LINGO1: variants seen among roughly 807,000 people sequenced by gnomAD.
LINGO1 encodes leucine-rich repeat and immunoglobulin-like domain-containing nogo receptor-interacting protein 1.
Under a neutral mutation model 37.3 loss-of-function variants are expected in LINGO1, and 11 were observed. The observed-to-expected ratio is 0.29, with a 90% CI of 0.19 to 0.49. The LOEUF (loss-of-function observed/expected upper bound fraction) is 0.49, where lower values mean the gene tolerates loss of function less well. Ranked by LOEUF, LINGO1 falls within the 20% of genes least tolerant of loss-of-function variation. LINGO1 has a pLI of 0.99. For missense variants in LINGO1, 585 were observed against 878.2 expected (o/e 0.67, Z 4.22); for synonymous variants, 387 against 403.0 (o/e 0.96, Z 0.48).
intron 1 of LINGO1, among the ~76,000 whole-genome samples, chr15:77,629,758 C>A (rs534510511): frequency 1.3e-5 from 2 of 152,286 alleles, no homozygotes; most frequent in South Asian, 4.1e-4. Context: ...GTGTTCAAGG[C>A]AGATCATGCT....
intron 3 of LINGO1, among the ~76,000 whole-genome samples, chr15:77,645,365 G>A (rs1008627946): frequency 8.5e-5 from 13 of 152,208 alleles, no homozygotes; most frequent in Admixed American, 3.3e-4. Flanking sequence ...ATGGCCCTGA[G>A]GCCCACTCTT....
chr15:77,749,553 T>C (rs979739444), intron 1 of LINGO1, among the ~76,000 whole-genome samples: 5 of 152,238 alleles, frequency 3.3e-5, no homozygotes, highest in African/African-American at 7.2e-5. Flanking sequence ...CTCTAACTCC[T>C]GACCTCCTTC....
chr15:77,754,069 G>A (rs1249437059), intron 1 of LINGO1, among the ~76,000 whole-genome samples: 1 of 151,992 alleles, frequency 6.6e-6, no homozygotes, highest in Non-Finnish European at 1.5e-5. Flanking sequence ...AGAGCTGGGA[G>A]AGAGAGTGGG....
At chr15:77,680,386 C>T (rs1046859696) in intron 2 of LINGO1, among the ~76,000 whole-genome samples, 5 of 152,204 alleles carry the variant, frequency 3.3e-5, no homozygotes, top group Non-Finnish European at 7.3e-5. Flanking sequence ...CCCCACTGCC[C>T]CTTTGGGGGC....
Position 77,613,863 on chromosome 15 carries a change from G to A in LINGO1, c.*181C>T. 3.2e-6 allele frequency: 2 copies of A among 621,714 alleles called. No individual in the cohort carries two copies. Among genetic ancestry groups the A allele is most frequent in the Non-Finnish European group, 2.8e-6 (1 of 358,276 alleles). The allele number at this position is 621,714 out of a possible 1,614,324, so 38.5% of individuals were successfully genotyped here. A position where few individuals can be genotyped will look rare whatever the true frequency, so the allele number is the denominator to read the frequency against. ...CCCAGGTCTGGGCTTCTGAGGTCCTGGTAGAAGGAGGGCAGGTGGTGAGGG... is the reference window on the plus strand; with the variant it reads ...CCCAGGTCTGGGCTTCTGAGGTCCTAGTAGAAGGAGGGCAGGTGGTGAGGG... On this transcript the variant is annotated 3_prime_UTR_variant, in exon 2 of 2. Coordinates refer to ENST00000355300, the MANE Select transcript of LINGO1 (RefSeq NM_032808.7).
upstream of LINGO1, chr15:77,788,039 C>T (rs2076788917): frequency 6.6e-6 from 1 of 152,208 alleles, no homozygotes; most frequent in African/African-American, 2.4e-5. Context: ...CCCCTGGAGC[C>T]CCACCAACTG....
chr15:77,635,110 G>T (rs2074370782), upstream of LINGO1, among the ~76,000 whole-genome samples: 1 of 152,172 alleles, frequency 6.6e-6, no homozygotes, highest in Non-Finnish European at 1.5e-5. Context: ...GTATTTTGGT[G>T]CCCACAATGA....
At position 77,810,487 on chromosome 15, in the gene LINGO1, AC is replaced by A. The variant is rs528949931; in HGVS notation, c.-458+9770del. ...AGCTGATCCAGCCTCCCGGCTCTGT[AC>A]CCAGGGGAGCACTAGTGGGTCCTGA... On this transcript the variant is annotated intron_variant, in intron 1 of 5. Coordinates refer to the LINGO1 transcript ENST00000562933. 9.8e-5 allele frequency among the ~76,000 whole-genome samples: 15 copies of A among 152,288 alleles called. No homozygotes were observed. The East Asian group carries it at 2.9e-3, about 29-fold the overall frequency.
intron 1 of LINGO1, among the ~76,000 whole-genome samples, chr15:77,812,757 G>A (rs2141481520): frequency 6.6e-6 from 1 of 152,374 alleles, no homozygotes; most frequent in East Asian, 1.9e-4. Flanking sequence ...TAATTGCTGA[G>A]TGCCGTGCAA....
intron 2 of LINGO1, among the ~76,000 whole-genome samples, chr15:77,716,214 T>A (rs1253513105): frequency 1.3e-5 from 2 of 150,622 alleles, no homozygotes; most frequent in African/African-American, 4.8e-5. Context: ...AGTGTCTCCA[T>A]TCCTCTCAGC....
intron 1 of LINGO1, among the ~76,000 whole-genome samples, chr15:77,742,963 G>A (rs59096041): frequency 9.9e-5 from 15 of 152,210 alleles, no homozygotes; most frequent in African/African-American, 2.9e-4. Flanking sequence ...CTTGGGGTGC[G>A]GTGAGAGGAT....
At chr15:77,814,803 A>G (rs1177612416) in intron 1 of LINGO1, among the ~76,000 whole-genome samples, 1 of 152,256 alleles carries the variant, frequency 6.6e-6, no homozygotes, top group East Asian at 1.9e-4. Flanking sequence ...CCAAAGTCTC[A>G]GAGTTTCAGA....
At position 77,632,271 on chromosome 15, in the gene LINGO1, G is replaced by T; in HGVS notation, c.6+39C>A. ...GGCCCCCAGGGGCACTCGCCGCGGG[G>T]CTGCCCGCTCGGGGCTCGGCCGCGG... On this transcript the variant is annotated intron_variant, in intron 1 of 1. Coordinates refer to ENST00000355300, the MANE Select transcript of LINGO1 (RefSeq NM_032808.7). The surrounding 1 kb of genome is among the most constrained non-coding windows in gnomAD (Gnocchi z 6.0). 1 of 1,392,466 alleles carries T rather than the reference G, an allele frequency of 7.2e-7. No individual in the cohort carries two copies. The highest frequency in any genetic ancestry group is 1.6e-5 in the South Asian group (1 of 63,220). 86.3% of individuals were successfully genotyped at this position (1,392,466 alleles called of 1,614,324 possible).
intron 2 of LINGO1, among the ~76,000 whole-genome samples, chr15:77,687,147 G>A (rs1048019932): frequency 4.6e-5 from 7 of 152,124 alleles, no homozygotes; most frequent in African/African-American, 1.7e-4. Flanking sequence ...TCAGTGTGAG[G>A]CTCGAATCAA....
At chr15:77,665,086 C>G (rs907572964) in intron 3 of LINGO1, among the ~76,000 whole-genome samples, 4 of 152,160 alleles carry the variant, frequency 2.6e-5, no homozygotes, top group African/African-American at 7.2e-5. Flanking sequence ...GCCTGGTTCC[C>G]TTGTGGGCTG....
At chr15:77,796,500 TAA>T (rs1462682357) in intron 1 of LINGO1, among the ~76,000 whole-genome samples, 11 of 152,144 alleles carry the variant, frequency 7.2e-5, no homozygotes, top group Admixed American at 1.3e-4. Flanking sequence ...GCTGGGAAGA[TAA>T]GAGAGAGAGA....
intron 1 of LINGO1, among the ~76,000 whole-genome samples, chr15:77,766,934 C>T (rs1025000395): frequency 4.6e-5 from 2 of 43,874 alleles, no homozygotes; most frequent in African/African-American, 1.5e-4. Flanking sequence ...TGAGATTTCC[C>T]AGAAAGAGGA....
intron 1 of LINGO1, among the ~76,000 whole-genome samples, chr15:77,781,731 G>A (rs1281944611): frequency 6.6e-6 from 1 of 152,252 alleles, no homozygotes; most frequent in Admixed American, 6.5e-5. Context: ...AGAGGGGGTA[G>A]TGACTTGCCC....
intron 3 of LINGO1, among the ~76,000 whole-genome samples, chr15:77,653,304 G>A (rs965942129): frequency 6.6e-6 from 1 of 152,120 alleles, no homozygotes; most frequent in Non-Finnish European, 1.5e-5. Flanking sequence ...CCAGGCCTTG[G>A]CTACTCATCT....
Sources: gnomAD v4.1 joint callset for allele counts (sites outside exome capture counted in the v4.1 genomes callset) on GRCh38, gnomAD v4.1.1 for gene constraint, Gnocchi (gnomAD v3.1) non-coding constraint, MANE v1.5 for transcripts, NCBI Gene and HGNC (gene_info 2026-07-23, HGNC 2026-07-21) for gene names.